DIAPH3: variants seen among roughly 807,000 people sequenced by gnomAD.
DIAPH3 encodes the protein diaphanous related formin 3, also known as protein diaphanous homolog 3.
Under a neutral mutation model 144.3 loss-of-function variants are expected in DIAPH3, and 117 were observed. The ratio of observed to expected loss-of-function variants is 0.81; its 90% CI spans 0.70 to 0.95. The LOEUF is 0.95. Among genes scored for constraint, DIAPH3 ranks in the 40% least tolerant of loss-of-function variants. The pLI is 0.00. For synonymous variants in DIAPH3, 519 were observed against 488.9 expected, an observed-to-expected ratio of 1.06 and a Z score of -0.81; for missense variants, 1,421 against 1,412.7, an observed-to-expected ratio of 1.01 and a Z score of -0.09.
intron 20 of DIAPH3, among the ~76,000 whole-genome samples, chr13:59,901,464 G>A (rs1211017838): frequency 6.6e-6 from 1 of 152,112 alleles, no homozygotes; most frequent in Non-Finnish European, 1.5e-5. Context: ...TACCTCTTCA[G>A]AAAGTCCTTC....
At chr13:60,092,756 T>A (rs1474085572) in intron 4 of DIAPH3, among the ~76,000 whole-genome samples, 6 of 152,140 alleles carry the variant, frequency 3.9e-5, no homozygotes, top group Non-Finnish European at 8.8e-5. Context: ...AAATTAAACA[T>A]CACTTGTGTC....
At chr13:59,831,224 T>G (rs532416569) in intron 24 of DIAPH3, among the ~76,000 whole-genome samples, 2 of 152,026 alleles carry the variant, frequency 1.3e-5, no homozygotes, top group South Asian at 4.1e-4. Context: ...TATATCCATT[T>G]TATACTTGAT....
intron 27 of DIAPH3, among the ~76,000 whole-genome samples, chr13:59,741,818 A>G (rs2036469624): frequency 6.6e-6 from 1 of 152,160 alleles, no homozygotes; most frequent in Non-Finnish European, 1.5e-5. Flanking sequence ...TAAATTCAAA[A>G]TGACATAGGG....
At chr13:59,839,572 T>G in intron 22 of DIAPH3, 124 bp from the exon 23 acceptor site, 1 of 911,340 alleles carries the variant, frequency 1.1e-6, no homozygotes, top group South Asian at 2.2e-5. Flanking sequence ...CATTATAAAA[T>G]AAAAATAAAT....
intron 25 of DIAPH3, among the ~76,000 whole-genome samples, chr13:59,802,008 C>T (rs927363578): frequency 3.3e-5 from 5 of 152,004 alleles, no homozygotes; most frequent in African/African-American, 7.2e-5. Flanking sequence ...GCAACCTTCA[C>T]GACCAAGTTC....
chr13:59,935,335 C>T (rs1434177734), intron 17 of DIAPH3, among the ~76,000 whole-genome samples: 3 of 152,154 alleles, frequency 2.0e-5, no homozygotes, highest in Non-Finnish European at 4.4e-5. Flanking sequence ...ATCACTACCT[C>T]TCAAGTAGTG....
chr13:60,002,509 G>A (rs745707142), intron 9 of DIAPH3, among the ~76,000 whole-genome samples: 1 of 152,172 alleles, frequency 6.6e-6, no homozygotes, highest in Non-Finnish European at 1.5e-5. Context: ...CTATTGCTGT[G>A]AGCAATAAAA....
intron 27 of DIAPH3, among the ~76,000 whole-genome samples, chr13:59,721,786 A>T (rs962460827): frequency 6.6e-6 from 1 of 152,162 alleles, no homozygotes; most frequent in African/African-American, 2.4e-5. Flanking sequence ...CCCATTTGGC[A>T]CCAATCCAGC....
intron 25 of DIAPH3, among the ~76,000 whole-genome samples, chr13:59,797,935 TTG>T (rs1334966197): frequency 6.6e-6 from 1 of 152,222 alleles, no homozygotes; most frequent in African/African-American, 2.4e-5. Flanking sequence ...TGTGCAGATG[TTG>T]TGTTTCTTAC....
chr13:59,854,183 G>T (rs1294642087), intron 22 of DIAPH3, among the ~76,000 whole-genome samples: 1 of 152,064 alleles, frequency 6.6e-6, no homozygotes, highest in African/African-American at 2.4e-5. Context: ...CAAGGAACAC[G>T]AAGGACTCTG....
intron 1 of DIAPH3, among the ~76,000 whole-genome samples, chr13:60,138,785 G>GGGGAAGA (rs57143670): frequency 0.084 from 6,315 of 75,580 alleles, 454 homozygotes; most frequent in East Asian, 0.27. Context: ...AGGAGAAGAA[G>GGGGAAGA]GGGAAGAGGG....
chr13:59,686,434 C>T (rs1002933665), intron 27 of DIAPH3, among the ~76,000 whole-genome samples: 5 of 151,430 alleles, frequency 3.3e-5, no homozygotes, highest in South Asian at 2.1e-4. Flanking sequence ...AAAAAAAATT[C>T]GGCTCACAGG....
In DIAPH3 at chr13:59,879,467, A is replaced by G; in HGVS notation, c.2369T>C (p.Met790Thr). Residue 790 changes from methionine to threonine, a missense_variant and splice_region_variant, in exon 21 of 28, where the codon ATG becomes ACG. Coordinates refer to ENST00000400324, the MANE Select transcript of DIAPH3 (RefSeq NM_001042517.2). ...TGGCCGTAGTCTCTTCACATTGCTCATCTGATTGAAAAGAAAACAGCAGAT... is the reference window on the plus strand; with the variant it reads ...TGGCCGTAGTCTCTTCACATTGCTCGTCTGATTGAAAAGAAAACAGCAGAT... ...LCEPEQFVVV[M>T]SNVKRLRPRL... The G allele has an allele frequency of 6.2e-7, 1 of 1,613,640 alleles. No individual in the cohort carries two copies. Among genetic ancestry groups the G allele is most frequent in the Non-Finnish European group, 8.5e-7 (1 of 1,179,694 alleles).
intron 25 of DIAPH3, among the ~76,000 whole-genome samples, chr13:59,802,664 ATTATT>A (rs1486948987): frequency 2.8e-4 from 9 of 32,536 alleles, no homozygotes; most frequent in African/African-American, 7.8e-4. Context: ...TATTATTATT[ATTATT>A]TTTTTTTTTT....
chr13:59,940,181 G>A (rs1033732212), intron 17 of DIAPH3, among the ~76,000 whole-genome samples: 2 of 152,052 alleles, frequency 1.3e-5, no homozygotes, highest in South Asian at 2.1e-4. Context: ...GTAACCTTTC[G>A]TTAATGGGAA....
intron 18 of DIAPH3, among the ~76,000 whole-genome samples, chr13:59,917,050 CT>C (rs2047257097): frequency 6.6e-6 from 1 of 152,174 alleles, no homozygotes; most frequent in South Asian, 2.1e-4. Context: ...CAAGATGTCA[CT>C]TCTTAACCAT....
chr13:59,896,041 A>C (rs2046074992), intron 20 of DIAPH3, among the ~76,000 whole-genome samples: 1 of 152,192 alleles, frequency 6.6e-6, no homozygotes, highest in South Asian at 2.1e-4. Flanking sequence ...CCAATATATC[A>C]AGAACTCTGT....
At chr13:59,917,282 C>CT (rs1197496210) in intron 18 of DIAPH3, among the ~76,000 whole-genome samples, 1 of 152,128 alleles carries the variant, frequency 6.6e-6, no homozygotes, top group Non-Finnish European at 1.5e-5. Context: ...ATATAAGGAA[C>CT]TTGAGCATCT....
At chr13:59,865,957 C>G (rs1354219981) in intron 21 of DIAPH3, among the ~76,000 whole-genome samples, 1 of 151,920 alleles carries the variant, frequency 6.6e-6, no homozygotes, top group Non-Finnish European at 1.5e-5. Flanking sequence ...ACATTAATAA[C>G]TCTACTCCGC....
Sources: allele counts gnomAD v4.1 joint callset (sites outside exome capture counted in the v4.1 genomes callset), GRCh38; gene constraint gnomAD v4.1.1; transcripts MANE v1.5; gene names NCBI Gene and HGNC (gene_info 2026-07-23, HGNC 2026-07-21).